Variants in BAIAP2L1 observed in about 807,000 individuals in gnomAD.
BAIAP2L1 encodes BAR/IMD domain-containing adapter protein 2-like 1.
In BAIAP2L1, 35 loss-of-function variants were observed where a neutral mutation model predicts 66.3. That is an observed-to-expected ratio of 0.53 (90% CI 0.40 to 0.70). BAIAP2L1 has a LOEUF of 0.70. Among genes scored for constraint, BAIAP2L1 ranks in the 30% least tolerant of loss-of-function variants. The probability of loss-of-function intolerance (pLI) is 0.00; values close to 1 mark genes in which losing one functional copy is unlikely to be tolerated. For missense variants in BAIAP2L1, 622 were observed against 656.9 expected (o/e 0.95, Z 0.58); for synonymous variants, 269 against 248.7 (o/e 1.08, Z -0.77).
At chr7:98,294,956 C>CTCT (rs1491523851) in intron 12 of BAIAP2L1, among the ~76,000 whole-genome samples, 3 of 152,336 alleles carry the variant, frequency 2.0e-5, no homozygotes, top group South Asian at 2.1e-4. Context: ...GGGTTTAACA[C>CTCT]TCTTTCCTGC....
chr7:98,324,350 G>C (rs189182875), intron 3 of BAIAP2L1, among the ~76,000 whole-genome samples: 7 of 152,338 alleles, frequency 4.6e-5, no homozygotes, highest in African/African-American at 1.7e-4. Flanking sequence ...CTCTGCAAGA[G>C]CTTGTCTAGC....
Position 98,310,586 on chromosome 7 carries a change from T to C in BAIAP2L1, c.814A>G (p.Lys272Glu). Residue 272 changes from lysine (K) to glutamate (E), a missense_variant, in exon 9 of 14, where the codon AAA (lysine) becomes GAA (glutamate). Transcript: ENST00000005260. ...CATTTAGAAAGGGTGTCGTAATCTT[T>C]CCTAACCTGTGAAAAATTCTTTATT... ...PMIERSNVVR[K>E]DYDTLSKCSP... The C allele has an allele frequency of 6.4e-7, 1 of 1,568,058 alleles. No individual in the cohort carries two copies.
At chr7:98,346,130 C>T (rs148291707) in intron 3 of BAIAP2L1, among the ~76,000 whole-genome samples, 4 of 152,224 alleles carry the variant, frequency 2.6e-5, no homozygotes, top group African/African-American at 7.2e-5. Flanking sequence ...TAAACTGTAT[C>T]TCAAGCTGCT....
chr7:98,372,611 A>C (rs921800288), intron 1 of BAIAP2L1, among the ~76,000 whole-genome samples: 1 of 152,036 alleles, frequency 6.6e-6, no homozygotes, highest in African/African-American at 2.4e-5. Context: ...ATTCTATACT[A>C]TCTCATACAA....
chr7:98,389,756 CTT>C (rs1802982528), intron 1 of BAIAP2L1, among the ~76,000 whole-genome samples: 1 of 152,008 alleles, frequency 6.6e-6, no homozygotes. Flanking sequence ...TAAGAAATGA[CTT>C]TTTGCTCTAC....
intron 1 of BAIAP2L1, among the ~76,000 whole-genome samples, chr7:98,366,418 A>C (rs995571237): frequency 2.0e-5 from 3 of 152,006 alleles, no homozygotes; most frequent in Admixed American, 1.3e-4. Flanking sequence ...TCTGCGGCCC[A>C]GTCCTCAGCC....
intron 7 of BAIAP2L1, among the ~76,000 whole-genome samples, chr7:98,313,674 A>G (rs1800961779): frequency 6.6e-6 from 1 of 152,144 alleles, no homozygotes; most frequent in Non-Finnish European, 1.5e-5. Flanking sequence ...GCTGGAGTGC[A>G]CTGGCACAAT....
intron 1 of BAIAP2L1, among the ~76,000 whole-genome samples, chr7:98,383,701 T>TTC (rs1382581637): frequency 6.6e-6 from 1 of 152,216 alleles, no homozygotes; most frequent in Admixed American, 6.5e-5. Flanking sequence ...AGAAGTAACA[T>TTC]GTGAATGTGT....
In BAIAP2L1 at chr7:98,400,804, G is replaced by A. The variant is rs1276655310; in HGVS notation, c.49C>T (p.Arg17Trp). The change falls in exon 1 of 14, where the codon CGG becomes TGG. Residue 17 changes from arginine (R) to tryptophan (W), a missense_variant and splice_region_variant. Arg to Trp is a moderately radical substitution (Grantham distance 101). Transcript: ENST00000005260. ...TGAGCCCCGGGCCCTGGGCTTACCC[G>A]GTAGGTGCTCTCCGTGAGCCGGTTC... ...EVNRLTESTY[R>W]NVMEQFNPGL... 3 of 1,548,846 alleles carry A rather than the reference G, an allele frequency of 1.9e-6. No individual in the cohort carries two copies. Among genetic ancestry groups the A allele is most frequent in the Admixed American group, 2.0e-5 (1 of 51,096 alleles).
intron 1 of BAIAP2L1, among the ~76,000 whole-genome samples, chr7:98,385,172 G>T (rs1584503070): frequency 6.6e-6 from 1 of 151,944 alleles, no homozygotes; most frequent in Non-Finnish European, 1.5e-5. Flanking sequence ...GCCAGGCATG[G>T]TGGCAGGGAC....
At chr7:98,355,008 G>A (rs1473533111) in intron 3 of BAIAP2L1, 34 bp downstream of exon 3, 4 of 1,510,800 alleles carry the variant, frequency 2.6e-6, no homozygotes, top group African/African-American at 1.4e-5. Flanking sequence ...AGGATGACAA[G>A]TGGGGTTTAT....
chr7:98,380,219 AG>A (rs779917114), intron 1 of BAIAP2L1, among the ~76,000 whole-genome samples: 2 of 151,916 alleles, frequency 1.3e-5, no homozygotes, highest in Admixed American at 6.6e-5. Context: ...CAGGGACTTT[AG>A]GTACGCACCA....
intron 1 of BAIAP2L1, chr7:98,386,723 C>CA: frequency 2.1e-6 from 1 of 470,200 alleles, no homozygotes; most frequent in Non-Finnish European, 3.5e-6. Context: ...TTTTTGGTGA[C>CA]AGAGTCTCGC....
In BAIAP2L1 at chr7:98,317,256, C is replaced by T. The variant is rs758117375; in HGVS notation, c.449G>A (p.Ser150Asn). The T allele has an allele frequency of 1.5e-5, 24 of 1,614,126 alleles. No individual in the cohort carries two copies. Among genetic ancestry groups the T allele is most frequent in the Non-Finnish European group, 1.9e-5 (22 of 1,180,050 alleles). ...GTGTTCATATTTGAGTGCGTTTCGGCTTCCTTGGCTTTTCCTTCTGATCTT... is the reference window on the plus strand; with the variant it reads ...GTGTTCATATTTGAGTGCGTTTCGGTTTCCTTGGCTTTTCCTTCTGATCTT... ...LKKIRRKSQGSRNALKYEHKE... is the reference protein window; with the variant it reads ...LKKIRRKSQGNRNALKYEHKE... The change falls in exon 6 of 14, where the codon AGC (serine) becomes AAC (asparagine). Residue 150 changes from serine to asparagine, a missense_variant. Transcript: ENST00000005260.
intron 1 of BAIAP2L1, among the ~76,000 whole-genome samples, chr7:98,366,845 G>T (rs1434271553): frequency 6.6e-6 from 1 of 152,074 alleles, no homozygotes; most frequent in Non-Finnish European, 1.5e-5. Context: ...CTTTTTCTTT[G>T]CTTTGCTTTT....
At chr7:98,393,661 A>C (rs1562796293) in intron 1 of BAIAP2L1, among the ~76,000 whole-genome samples, 1 of 149,432 alleles carries the variant, frequency 6.7e-6, no homozygotes, top group South Asian at 2.1e-4. Context: ...CCGCGCCTGG[A>C]TAATTTTTTG....
At chr7:98,364,393 C>T (rs887013167) in intron 1 of BAIAP2L1, among the ~76,000 whole-genome samples, 3 of 151,898 alleles carry the variant, frequency 2.0e-5, no homozygotes, top group African/African-American at 7.2e-5. Flanking sequence ...TCTCCTGTTC[C>T]GTTTTTCCCT....
At chr7:98,378,859 C>A (rs1269758610) in intron 1 of BAIAP2L1, among the ~76,000 whole-genome samples, 2 of 151,804 alleles carry the variant, frequency 1.3e-5, no homozygotes, top group Non-Finnish European at 2.9e-5. Flanking sequence ...GAGATGGAGT[C>A]TCGCTCTGTT....
At chr7:98,338,652 G>A (rs532135970) in intron 3 of BAIAP2L1, among the ~76,000 whole-genome samples, 85 of 152,200 alleles carry the variant, frequency 5.6e-4, no homozygotes, top group African/African-American at 1.7e-3. Context: ...AGCATATAGC[G>A]GTACTTCATT....
Sources: gnomAD v4.1 joint callset for allele counts (sites outside exome capture counted in the v4.1 genomes callset) on GRCh38, gnomAD v4.1.1 for gene constraint, MANE v1.5 for transcripts, NCBI Gene and HGNC (gene_info 2026-07-23, HGNC 2026-07-21) for gene names.